Variants in N4BP2L2 observed in about 807,000 individuals in gnomAD.
The protein encoded by N4BP2L2 is NEDD4 binding protein 2 like 2.
A neutral mutation model predicts 56.2 loss-of-function variants in N4BP2L2; 50 were observed. That is an observed-to-expected ratio of 0.89 (90% CI 0.71 to 1.13). The LOEUF (loss-of-function observed/expected upper bound fraction) is 1.13. N4BP2L2 is among the 50% of genes most tolerant of loss of function. The pLI is 0.00. For synonymous variants in N4BP2L2, 203 were observed against 223.6 expected (o/e 0.91, Z 0.82); for missense variants, 689 against 693.8 (o/e 0.99, Z 0.08).
At chr13:32,504,239 T>C (rs1395030059) in intron 6 of N4BP2L2, among the ~76,000 whole-genome samples, 1 of 152,212 alleles carries the variant, frequency 6.6e-6, no homozygotes, top group African/African-American at 2.4e-5. Flanking sequence ...GCTGCGTATT[T>C]ATTTGCTAGG....
At chr13:32,461,990 T>C (rs2080179075) in intron 6 of N4BP2L2, among the ~76,000 whole-genome samples, 1 of 152,220 alleles carries the variant, frequency 6.6e-6, no homozygotes, top group East Asian at 1.9e-4. Flanking sequence ...TACACTGTTG[T>C]TGGGAATGTA....
intron 6 of N4BP2L2, among the ~76,000 whole-genome samples, chr13:32,501,964 A>T (rs2090091469): frequency 6.6e-6 from 1 of 152,224 alleles, no homozygotes; most frequent in Admixed American, 6.5e-5. Context: ...TGTTTTGAGC[A>T]ATTCCAGACT....
chr13:32,478,743 G>C (rs1176159985), intron 6 of N4BP2L2: 2 of 152,216 alleles, frequency 1.3e-5, no homozygotes, highest in Non-Finnish European at 2.9e-5. Flanking sequence ...TGTGTATAGA[G>C]ATTTAACTGA....
At chr13:32,493,289 C>G (rs2087645804) in intron 6 of N4BP2L2, among the ~76,000 whole-genome samples, 1 of 151,984 alleles carries the variant, frequency 6.6e-6, no homozygotes, top group Non-Finnish European at 1.5e-5. Flanking sequence ...TCAGTTCTGA[C>G]TTCTTTGATT....
chr13:32,514,036 T>C (rs1291275496), exon 6 of N4BP2L2: 1 of 152,156 alleles, frequency 6.6e-6, no homozygotes, highest in East Asian at 1.9e-4. Flanking sequence ...TCAAAACTTA[T>C]CTATACGTAA....
At chr13:32,497,566 A>G (rs1198463992) in intron 6 of N4BP2L2, among the ~76,000 whole-genome samples, 2 of 152,186 alleles carry the variant, frequency 1.3e-5, no homozygotes, top group Non-Finnish European at 2.9e-5. Context: ...AACTGGATCA[A>G]CCAAGAGATG....
exon 6 of N4BP2L2, chr13:32,510,811 T>A (rs2047969067): frequency 6.6e-6 from 1 of 152,166 alleles, no homozygotes; most frequent in Non-Finnish European, 1.5e-5. Flanking sequence ...CTCTTTTCAA[T>A]TTTGACTTTT....
chr13:32,527,458 C>T, exon 3 of N4BP2L2: 1 of 1,613,966 alleles, frequency 6.2e-7, no homozygotes, highest in Non-Finnish European at 8.5e-7. Context: ...AACATTATAC[C>T]TGTACCCATC....
Position 32,521,362 on chromosome 13 carries a change from G to T in N4BP2L2, c.1550+11C>A. 7 of 1,576,544 alleles carry T rather than the reference G, an allele frequency of 4.4e-6. No individual in the cohort carries two copies. The highest frequency in any genetic ancestry group is 5.2e-6 in the Non-Finnish European group (6 of 1,150,664). On this transcript the variant is annotated intron_variant, in intron 5 of 5. Transcript: ENST00000267068. ...AAAGTTAAGGATTCAATAAAAATTC[G>T]AGTGTCTTACTTTTCTAATTCTTCA...
chr13:32,442,677 G>A lies in N4BP2L2; in HGVS notation c.1815C>T (p.Phe605=), dbSNP rs781307603. Residue 605 remains phenylalanine, a synonymous_variant, in exon 7 of 10, where the codon TTC becomes TTT. Transcript: ENST00000357505. ...TATTACCTACTCTTGTCTGAGATTCGAAAGTCAAAAACAGTTTCTTGTTTG... is the reference window on the plus strand; with the variant it reads ...TATTACCTACTCTTGTCTGAGATTCAAAAGTCAAAAACAGTTTCTTGTTTG... 15 of 1,613,580 alleles carry A rather than the reference G, an allele frequency of 9.3e-6. No individual in the cohort carries two copies. The African/African-American group carries it at 1.5e-4, about 16-fold the overall frequency.
intron 6 of N4BP2L2, among the ~76,000 whole-genome samples, chr13:32,501,268 T>C (rs778941024): frequency 4.6e-5 from 7 of 152,142 alleles, no homozygotes; most frequent in South Asian, 2.1e-4. Context: ...TGCAGTTAAC[T>C]AATGGTTTCA....
chr13:32,493,741 C>A (rs2087768008), intron 6 of N4BP2L2, among the ~76,000 whole-genome samples: 1 of 152,204 alleles, frequency 6.6e-6, no homozygotes, highest in Non-Finnish European at 1.5e-5. Context: ...CTGCCTGAGG[C>A]ATATAACTGC....
Position 32,535,961 on chromosome 13 carries a change from A to G in N4BP2L2, c.1067T>C (p.Met356Thr), listed in dbSNP as rs774462147. The change falls in exon 2 of 6, where the codon ATG becomes ACG. Residue 356 changes from methionine to threonine, a missense_variant. Coordinates refer to ENST00000267068, the Ensembl canonical transcript of N4BP2L2. ...ACCATTACTCACATATCGATCTTGC[A>G]TACTGCAGCCATTTCCAGAGGGATG... 4.3e-6 allele frequency: 7 copies of G among 1,613,946 alleles called. No homozygotes were observed. In the African/African-American group the frequency reaches 6.7e-5, roughly 15 times the overall value.
intron 6 of N4BP2L2, among the ~76,000 whole-genome samples, chr13:32,462,361 T>C (rs898460263): frequency 1.3e-5 from 2 of 152,150 alleles, no homozygotes; most frequent in Non-Finnish European, 2.9e-5. Context: ...GTATCACATG[T>C]TCTCATTCAT....
rs60854435 is a variant in N4BP2L2 at position 32,481,118 on chromosome 13, CAAAAAAAA to C, written c.365+36731_365+36738del. On this transcript the variant is annotated intron_variant, in intron 6 of 9. Coordinates refer to the N4BP2L2 transcript ENST00000357505. Reference sequence around the variant, plus strand: ...TCAGCAACAGAGTGAGACTCTGTCTCAAAAAAAAAAAAAAAAAAAAAAAAAAAAAAGGA... The same window carrying C: ...TCAGCAACAGAGTGAGACTCTGTCTCAAAAAAAAAAAAAAAAAAAAAAGGA... Among the ~76,000 whole-genome samples the C allele has an allele frequency of 8.2e-4, 17 of 20,712 alleles. No individual in the cohort carries two copies. The East Asian group carries it at 0.01, about 12-fold the overall frequency. 13.6% of individuals were successfully genotyped at this position (20,712 alleles called of 152,430 possible).
At chr13:32,505,795 C>T (rs1368748500), downstream of N4BP2L2, 2 of 152,136 alleles carry the variant, frequency 1.3e-5, no homozygotes, top group Non-Finnish European at 2.9e-5. Flanking sequence ...CATATGTATA[C>T]CTCTAAGATG....
At chr13:32,463,089 T>A (rs1347926552) in intron 6 of N4BP2L2, among the ~76,000 whole-genome samples, 2 of 150,582 alleles carry the variant, frequency 1.3e-5, no homozygotes, top group Admixed American at 1.3e-4. Context: ...TAATAAAAAA[T>A]TTCAAAAACA....
rs533162793 is a variant in N4BP2L2, at chr13:32,462,134, A to G, written c.366-18008T>C. Among the ~76,000 whole-genome samples the G allele has an allele frequency of 1.2e-4, 18 of 152,286 alleles. No individual in the cohort carries two copies. The East Asian group carries it at 3.3e-3, about 28-fold the overall frequency. Reference sequence around the variant, plus strand: ...GGAAATCATTATATCAAAGGGATACATGCACCCCCATGTTTATTGCAGCAC... The same window carrying G: ...GGAAATCATTATATCAAAGGGATACGTGCACCCCCATGTTTATTGCAGCAC... On this transcript the variant is annotated intron_variant, in intron 6 of 9. Transcript: ENST00000357505.
At chr13:32,480,782 T>C in intron 6 of N4BP2L2, 1 of 398,214 alleles carries the variant, frequency 2.5e-6, no homozygotes, top group South Asian at 2.3e-5. Context: ...TCTCCAAGAC[T>C]GTATAGTTAA....
Sources: allele counts gnomAD v4.1 joint callset (sites outside exome capture counted in the v4.1 genomes callset), GRCh38; gene constraint gnomAD v4.1.1; transcripts MANE v1.5; gene names NCBI Gene and HGNC (gene_info 2026-07-23, HGNC 2026-07-21).